Variants in ABCB5 observed in about 807,000 individuals in gnomAD.
ABCB5 encodes the protein ATP binding cassette subfamily B member 5.
ABCB5 carries 155 observed loss-of-function variants against 144.2 expected under a neutral mutation model. The ratio of observed to expected loss-of-function variants is 1.08; its 90% confidence interval spans 0.94 to 1.23. The LOEUF (loss-of-function observed/expected upper bound fraction) is 1.23. Among genes scored for constraint, ABCB5 ranks in the 50% most tolerant of loss-of-function variants. The pLI, the probability that ABCB5 is intolerant of heterozygous loss-of-function variation, is 0.00. For synonymous variants in ABCB5, 610 were observed against 528.6 expected (o/e 1.15, Z -2.11); for missense variants, 1,830 against 1,520.8 (o/e 1.20, Z -3.38).
chr7:20,750,980 C>T (rs1422255019), intron 26 of ABCB5, among the ~76,000 whole-genome samples: 1 of 152,114 alleles, frequency 6.6e-6, no homozygotes, highest in African/African-American at 2.4e-5. Context: ...TGGCAGCTCT[C>T]AGTCGAGCCA....
At chr7:20,667,032 A>G (rs1785221674) in intron 14 of ABCB5, 3 of 573,136 alleles carry the variant, frequency 5.2e-6, no homozygotes, top group Non-Finnish European at 2.5e-6. Context: ...TGAATGATCT[A>G]GTAGAGATGT....
At chr7:20,737,295 C>G (rs1329850718) in intron 23 of ABCB5, among the ~76,000 whole-genome samples, 1 of 152,162 alleles carries the variant, frequency 6.6e-6, no homozygotes, top group East Asian at 1.9e-4. Context: ...TTACGTTTCT[C>G]TCAGCACTCA....
intron 26 of ABCB5, among the ~76,000 whole-genome samples, chr7:20,752,845 C>CA (rs1333602474): frequency 6.6e-6 from 1 of 151,636 alleles, no homozygotes; most frequent in Non-Finnish European, 1.5e-5. Context: ...GACACGGTCT[C>CA]AAAAAAACAA....
intron 3 of ABCB5, among the ~76,000 whole-genome samples, chr7:20,627,459 C>T (rs1455870992): frequency 6.6e-6 from 1 of 152,048 alleles, no homozygotes; most frequent in Non-Finnish European, 1.5e-5. Context: ...GTAAGTTCCT[C>T]TTGCTGTTAT....
intron 14 of ABCB5, among the ~76,000 whole-genome samples, chr7:20,670,638 G>A (rs923305496): frequency 6.6e-6 from 1 of 152,184 alleles, no homozygotes; most frequent in South Asian, 2.1e-4. Flanking sequence ...GGCCGGGTGC[G>A]GTGGCTCATG....
intron 13 of ABCB5, among the ~76,000 whole-genome samples, chr7:20,653,829 G>A (rs1216023171): frequency 2.0e-5 from 3 of 152,224 alleles, no homozygotes; most frequent in Non-Finnish European, 2.9e-5. Context: ...AGCTGCAAGC[G>A]GAACACTGGA....
intron 20 of ABCB5, among the ~76,000 whole-genome samples, chr7:20,712,566 T>G (rs1319558191): frequency 6.7e-6 from 1 of 149,876 alleles, no homozygotes; most frequent in Non-Finnish European, 1.5e-5. Flanking sequence ...CATTTTTTTC[T>G]GCATTTATTT....
In ABCB5 at chr7:20,756,096, T is replaced by C. The variant is rs1222281059; in HGVS notation, c.*472T>C. The C allele has an allele frequency of 6.4e-6, 1 of 155,406 alleles. No individual in the cohort carries two copies. Among genetic ancestry groups the C allele is most frequent in the Non-Finnish European group, 1.4e-5 (1 of 70,150 alleles). The allele number at this position is 155,406 out of a possible 1,614,324, so 9.6% of individuals were successfully genotyped here. On this transcript the variant is annotated 3_prime_UTR_variant, in exon 28 of 28. Transcript: ENST00000404938. ...TTACAGTAGTTTTGCTAGTCCCTTT[T>C]CTCCAGACCGTAGGGATTTCTCTCA... is the stretch of plus-strand genomic sequence containing the variant.
intron 20 of ABCB5, among the ~76,000 whole-genome samples, chr7:20,707,801 C>CTTT (rs67014566): frequency 3.5e-4 from 33 of 93,046 alleles, no homozygotes; most frequent in Non-Finnish European, 4.8e-4. Context: ...AACCTCATTT[C>CTTT]TTTTTTTTTT....
At chr7:20,696,816 T>C (rs1786433263) in intron 16 of ABCB5, among the ~76,000 whole-genome samples, 1 of 152,130 alleles carries the variant, frequency 6.6e-6, no homozygotes, top group African/African-American at 2.4e-5. Context: ...TTTACTTCTT[T>C]TCTATCTTGA....
At chr7:20,638,877 G>A (rs1438429139) in intron 5 of ABCB5, among the ~76,000 whole-genome samples, 3 of 152,130 alleles carry the variant, frequency 2.0e-5, no homozygotes, top group Non-Finnish European at 4.4e-5. Flanking sequence ...AGTAGACCTA[G>A]GAGTGGAATT....
intron 26 of ABCB5, among the ~76,000 whole-genome samples, chr7:20,750,202 A>G (rs1782873399): frequency 6.6e-6 from 1 of 152,204 alleles, no homozygotes; most frequent in Admixed American, 6.5e-5. Context: ...TTGAAGGCCT[A>G]CAATAACAAT....
chr7:20,678,083 A>G (rs1311701642), intron 14 of ABCB5, among the ~76,000 whole-genome samples: 2 of 152,214 alleles, frequency 1.3e-5, no homozygotes, highest in Non-Finnish European at 2.9e-5. Context: ...AGAAAAATAT[A>G]ATCCATAGAT....
At chr7:20,750,033 G>C (rs1782867344) in intron 26 of ABCB5, among the ~76,000 whole-genome samples, 1 of 152,118 alleles carries the variant, frequency 6.6e-6, no homozygotes, top group South Asian at 2.1e-4. Flanking sequence ...GTTTAAGTTT[G>C]GTAGTTACTA....
rs1406371067 is a variant in ABCB5 at position 20,743,005 on chromosome 7, C to G, written c.3153C>G (p.Ser1051Arg). The change falls in exon 25 of 28, where the codon AGC (serine) becomes AGG (arginine). Residue 1051 changes from serine (S) to arginine (R), a missense_variant. Coordinates refer to ENST00000404938, the MANE Select transcript of ABCB5 (RefSeq NM_001163941.2). ...GAAAGACAGTAGCATTTGTGGGGAG[C>G]AGCGGCTGTGGGAAAAGCACTTCTG... ...ERGKTVAFVG[S>R]SGCGKSTSVQ... The G allele has an allele frequency of 1.9e-6, 3 of 1,614,182 alleles. No homozygotes were observed.
intron 15 of ABCB5, among the ~76,000 whole-genome samples, chr7:20,685,221 TCA>T: frequency 6.6e-6 from 1 of 152,138 alleles, no homozygotes. Context: ...TGTGTTTTGT[TCA>T]CAGTTCAGAA....
intron 20 of ABCB5, among the ~76,000 whole-genome samples, chr7:20,711,148 T>C (rs989085590): frequency 3.0e-5 from 3 of 101,662 alleles, no homozygotes; most frequent in Non-Finnish European, 6.7e-5. Context: ...CCATACTACA[T>C]TGTAATTATT....
chr7:20,669,874 C>A (rs1322871002), intron 14 of ABCB5, among the ~76,000 whole-genome samples: 3 of 38 alleles, frequency 0.079, no homozygotes, highest in African/African-American at 0.21. Flanking sequence ...ACCAACCCAA[C>A]AACAGTTTCT....
At chr7:20,694,358 T>A (rs145188511) in intron 16 of ABCB5, among the ~76,000 whole-genome samples, 1 of 151,890 alleles carries the variant, frequency 6.6e-6, no homozygotes, top group African/African-American at 2.4e-5. Context: ...TTAAAAAAAT[T>A]AAAAAGAAAA....
Sources: gnomAD v4.1 joint callset for allele counts (sites outside exome capture counted in the v4.1 genomes callset) on GRCh38, gnomAD v4.1.1 for gene constraint, MANE v1.5 for transcripts, NCBI Gene and HGNC (gene_info 2026-07-23, HGNC 2026-07-21) for gene names.